Variants in VTI1A observed in about 807,000 individuals in gnomAD.
VTI1A encodes vesicle transport through interaction with t-SNAREs homolog 1A.
A neutral mutation model predicts 34.9 loss-of-function variants in VTI1A; 22 were observed. The ratio of observed to expected loss-of-function variants is 0.63; its 90% CI spans 0.45 to 0.90. The LOEUF is 0.90. Ranked by LOEUF, VTI1A falls within the 40% of genes least tolerant of loss-of-function variation. VTI1A has a pLI of 0.00. For missense variants in VTI1A, 268 were observed against 275.6 expected (o/e 0.97, Z 0.20); for synonymous variants, 87 against 97.3 (o/e 0.89, Z 0.62).
the VTI1A span, among the ~76,000 whole-genome samples, chr10:112,846,037 G>A: frequency 1.3e-5 from 2 of 152,116 alleles, no homozygotes; most frequent in African/African-American, 2.4e-5. Flanking sequence ...GAAGACAGAG[G>A]TGGGAATTTT....
chr10:112,736,852 C>T lies in VTI1A; in HGVS notation c.560+67854C>T, dbSNP rs1850498856. 4 of 951,536 alleles carry T rather than the reference C, an allele frequency of 4.2e-6. No homozygotes were observed. In the African/African-American group the frequency reaches 6.5e-5, roughly 15 times the overall value. 58.9% of individuals were successfully genotyped at this position (951,536 alleles called of 1,614,324 possible). On this transcript the variant is annotated intron_variant, in intron 7 of 7. Transcript: ENST00000393077. Reference sequence around the variant, plus strand: ...AAGCCTTCTCACTGAAAGAGCTGCCCTGGACGGAAAATGAGTAGTGAGATG... The same window carrying T: ...AAGCCTTCTCACTGAAAGAGCTGCCTTGGACGGAAAATGAGTAGTGAGATG...
At position 112,573,627 on chromosome 10, in the gene VTI1A, A is replaced by G. The variant is rs147863095; in HGVS notation, c.427+35297A>G. On this transcript the variant is annotated intron_variant, in intron 5 of 7. Transcript: ENST00000393077. Reference sequence around the variant, plus strand: ...AATTTTATTGCCAATTCCACCATTCACTGTCTATGGCTTTAGGAAAATTAT... The same window carrying G: ...AATTTTATTGCCAATTCCACCATTCGCTGTCTATGGCTTTAGGAAAATTAT... Among the ~76,000 whole-genome samples the G allele has an allele frequency of 5.7e-3, 872 of 152,300 alleles. No individual in the cohort carries two copies. The Middle Eastern group carries it at 0.068, about 12-fold the overall frequency.
intron 5 of VTI1A, among the ~76,000 whole-genome samples, chr10:112,610,381 C>G (rs1219185558): frequency 2.0e-5 from 3 of 151,922 alleles, no homozygotes; most frequent in Non-Finnish European, 4.4e-5. Flanking sequence ...GAGGCATTTC[C>G]CAAACCAAAA....
At chr10:112,497,727 A>T (rs1287641845) in intron 3 of VTI1A, among the ~76,000 whole-genome samples, 4 of 152,166 alleles carry the variant, frequency 2.6e-5, no homozygotes, top group Admixed American at 6.5e-5. Context: ...CACAAACCAC[A>T]CTTGGTTACT....
At chr10:112,506,530 A>T (rs147356068) in intron 3 of VTI1A, among the ~76,000 whole-genome samples, 3 of 152,210 alleles carry the variant, frequency 2.0e-5, no homozygotes, top group Admixed American at 6.5e-5. Context: ...AAACAATATC[A>T]TATTACTTCC....
At chr10:112,712,273 T>A (rs1849443897) in intron 7 of VTI1A, among the ~76,000 whole-genome samples, 1 of 152,134 alleles carries the variant, frequency 6.6e-6, no homozygotes, top group South Asian at 2.1e-4. Flanking sequence ...AAATCTCTTT[T>A]TATTGGACCA....
chr10:112,647,639 C>T lies in VTI1A; in HGVS notation c.428-20579C>T, dbSNP rs886594384. Among the ~76,000 whole-genome samples, 25 of 152,232 alleles carry T rather than the reference C, an allele frequency of 1.6e-4. 2 individuals carry two copies. The highest frequency in any genetic ancestry group is 1.2e-3 in the Admixed American group (19 of 15,296). On this transcript the variant is annotated intron_variant, in intron 5 of 7. Coordinates refer to ENST00000393077, the MANE Select transcript of VTI1A (RefSeq NM_145206.4). Reference sequence around the variant, plus strand: ...TTAACTGGTGTTTCATTAAAGTTGTCAAGACTAAAAGTATGTTTTTCCGTA... The same window carrying T: ...TTAACTGGTGTTTCATTAAAGTTGTTAAGACTAAAAGTATGTTTTTCCGTA...
intron 5 of VTI1A, among the ~76,000 whole-genome samples, chr10:112,589,270 A>T (rs913842217): frequency 1.3e-5 from 2 of 152,080 alleles, no homozygotes; most frequent in South Asian, 2.1e-4. Context: ...TAATTGAATC[A>T]TGGGGTCAGT....
intron 2 of VTI1A, among the ~76,000 whole-genome samples, chr10:112,464,304 A>T (rs6585156): frequency 9.2e-5 from 14 of 152,154 alleles, no homozygotes; most frequent in African/African-American, 3.1e-4. Context: ...GGCCAAATGT[A>T]TATGTTTTAA....
intron 4 of VTI1A, among the ~76,000 whole-genome samples, chr10:112,532,145 A>G (rs1364541130): frequency 2.0e-5 from 3 of 152,316 alleles, no homozygotes; most frequent in South Asian, 4.1e-4. Flanking sequence ...TACTTTTCAT[A>G]TAACAAATGA....
intron 7 of VTI1A, among the ~76,000 whole-genome samples, chr10:112,781,595 C>T (rs372980213): frequency 6.6e-6 from 1 of 151,994 alleles, no homozygotes; most frequent in Non-Finnish European, 1.5e-5. Flanking sequence ...GATCCCAGCA[C>T]TTTGGGAGGC....
intron 3 of VTI1A, among the ~76,000 whole-genome samples, chr10:112,505,408 A>G (rs528670548): frequency 2.9e-4 from 44 of 152,284 alleles, no homozygotes; most frequent in African/African-American, 1.1e-3. Context: ...TTTGAGATAT[A>G]CAATTATATC....
At chr10:112,806,101 G>A (rs1590201778) in intron 7 of VTI1A, among the ~76,000 whole-genome samples, 3 of 152,026 alleles carry the variant, frequency 2.0e-5, no homozygotes, top group Admixed American at 6.6e-5. Flanking sequence ...TGGCTCCTCA[G>A]TTCCTTGCTG....
intron 5 of VTI1A, among the ~76,000 whole-genome samples, chr10:112,598,338 C>CTTTCCTTCTGAACCATTGT (rs1844748403): frequency 6.6e-6 from 1 of 152,182 alleles, no homozygotes; most frequent in African/African-American, 2.4e-5. Context: ...AGACCTCTTC[C>CTTTCCTTCTGAACCATTGT]TTTCCTTCTG....
chr10:112,560,368 T>C (rs1851682147), intron 5 of VTI1A, among the ~76,000 whole-genome samples: 1 of 152,024 alleles, frequency 6.6e-6, no homozygotes, highest in African/African-American at 2.4e-5. Flanking sequence ...ATGGTTTAGG[T>C]TTCTAGTTTA....
intron 5 of VTI1A, among the ~76,000 whole-genome samples, chr10:112,559,052 C>T (rs561919420): frequency 7.2e-5 from 11 of 152,272 alleles, no homozygotes; most frequent in East Asian, 3.9e-4. Flanking sequence ...TAAGTGCTCC[C>T]GTAACTGGCA....
chr10:112,683,453 G>T (rs764859823), intron 7 of VTI1A, among the ~76,000 whole-genome samples: 1 of 152,106 alleles, frequency 6.6e-6, no homozygotes. Context: ...TCAAAGATAT[G>T]ACTAACTTGT....
At chr10:112,715,304 G>A (rs1230142742) in intron 7 of VTI1A, among the ~76,000 whole-genome samples, 1 of 152,176 alleles carries the variant, frequency 6.6e-6, no homozygotes, top group Non-Finnish European at 1.5e-5. Flanking sequence ...CTGAAAAAGG[G>A]ATGGGAGGAG....
chr10:112,600,296 CAT>C (rs540433831), intron 5 of VTI1A, among the ~76,000 whole-genome samples: 257 of 152,286 alleles, frequency 1.7e-3, no homozygotes, highest in African/African-American at 5.9e-3. Context: ...GCTTTGAAAA[CAT>C]AACTCAGATC....
Sources: gnomAD v4.1 joint callset for allele counts (sites outside exome capture counted in the v4.1 genomes callset) on GRCh38, gnomAD v4.1.1 for gene constraint, MANE v1.5 for transcripts, NCBI Gene and HGNC (gene_info 2026-07-23, HGNC 2026-07-21) for gene names.